AIRE: variants seen among roughly 807,000 people sequenced by gnomAD.
AIRE encodes the protein autoimmune regulator, also known as autoimmune polyendocrinopathy candidiasis ectodermal dystrophy protein.
In AIRE, 52 loss-of-function variants were observed where a neutral mutation model predicts 62.1. The ratio of observed to expected loss-of-function variants is 0.84; its 90% CI spans 0.67 to 1.06. The LOEUF (loss-of-function observed/expected upper bound fraction) is 1.06, where lower values mean the gene tolerates loss of function less well. Among genes scored for constraint, AIRE ranks in the 50% least tolerant of loss-of-function variants. AIRE has a pLI of 0.00. For synonymous variants in AIRE, 342 were observed against 321.6 expected, an observed-to-expected ratio of 1.06 and a Z score of -0.68; for missense variants, 774 against 755.8, an observed-to-expected ratio of 1.02 and a Z score of -0.28.
At chr21:44,290,141 T>C in intron 7 of AIRE, 73 bp downstream of exon 7, 2 of 1,552,796 alleles carry the variant, frequency 1.3e-6, no homozygotes, top group South Asian at 1.2e-5. Context: ...TGCCTCTGCC[T>C]TTACCTGGGC....
At chr21:44,296,539 C>A in intron 13 of AIRE, 94 bp downstream of exon 13, 2 of 1,209,688 alleles carry the variant, frequency 1.7e-6, no homozygotes, top group Non-Finnish European at 2.4e-6. Context: ...GGACTGCCGG[C>A]CCCCACTGCT....
In AIRE at chr21:44,293,861, G is replaced by A. The variant is rs143059175; in HGVS notation, c.1351G>A (p.Ala451Thr). ...CGTGCTGCGGTGTACTCACTGCGCC[G>A]CTGCCTTCCACTGGCGCTGCCACTT... ...TDVLRCTHCA[A>T]AFHWRCHFPA... The change falls in exon 11 of 14, where the codon GCT (alanine) becomes ACT (threonine). Residue 451 changes from alanine to threonine, a missense_variant. Around this residue, in one of 3 missense-constraint regions of AIRE, gnomAD observed 354 missense variants for 296.1 expected, o/e 1.20. Coordinates refer to ENST00000291582, the MANE Select transcript of AIRE (RefSeq NM_000383.4). The A allele has an allele frequency of 2.7e-5, 43 of 1,596,602 alleles. No homozygotes were observed. Among genetic ancestry groups the A allele is most frequent in the South Asian group, 2.2e-4 (20 of 91,024 alleles).
intron 11 of AIRE, 60 bp from the exon 12 acceptor site, chr21:44,294,341 C>A: frequency 1.2e-5 from 11 of 894,686 alleles, no homozygotes; most frequent in African/African-American, 1.7e-5. Flanking sequence ...ACACCCCATA[C>A]CCCGGAGGTG....
At chr21:44,290,342 C>A (rs540660094) in intron 7 of AIRE, 2 of 985,460 alleles carry the variant, frequency 2.0e-6, no homozygotes, top group Non-Finnish European at 2.4e-6. Context: ...CAGCTGGGCC[C>A]GTGGGTGGGC....
At chr21:44,295,023 C>T (rs1287723307) in intron 12 of AIRE, among the ~76,000 whole-genome samples, 1 of 152,222 alleles carries the variant, frequency 6.6e-6, no homozygotes, top group East Asian at 1.9e-4. Context: ...GCGGAGACCC[C>T]TGACTGCTGG....
Position 44,292,393 on chromosome 21 carries a change from G to A in AIRE, c.1087G>A (p.Glu363Lys). 1 of 1,552,780 alleles carries A rather than the reference G, an allele frequency of 6.4e-7. No homozygotes were observed. The highest frequency in any genetic ancestry group is 8.7e-7 in the Non-Finnish European group (1 of 1,148,180). ...EEPRPQEPPVETPLPPGLRSA... is the reference protein window; with the variant it reads ...EEPRPQEPPVKTPLPPGLRSA... ...GCCCCGGCCCCAGGAGCCACCCGTG[G>A]AGACCCCGGTATGGCCACGCCCCCT... The change falls in exon 9 of 14, where the codon GAG becomes AAG. Residue 363 changes from glutamate to lysine, a missense_variant. By Grantham distance (56) the Glu-to-Lys change is moderately conservative (BLOSUM62 1). This residue lies in a region of AIRE where 354 missense variants were observed against 296.1 expected (regional missense o/e 1.20). Coordinates refer to ENST00000291582, the MANE Select transcript of AIRE (RefSeq NM_000383.4).
Position 44,287,412 on chromosome 21 carries a change from A to C in AIRE, c.464-105A>C, listed in dbSNP as rs112759342. 14 of 816,076 alleles carry C rather than the reference A, an allele frequency of 1.7e-5. No homozygotes were observed. The highest frequency in any genetic ancestry group is 2.4e-5 in the Non-Finnish European group (12 of 489,854). The allele number at this position is 816,076 out of a possible 1,614,324, so 50.6% of individuals were successfully genotyped here. On this transcript the variant is annotated intron_variant, in intron 3 of 13. Coordinates refer to ENST00000291582, the MANE Select transcript of AIRE (RefSeq NM_000383.4). This position sits in a 1 kb window ranked among gnomAD's most constrained non-coding sequence, Gnocchi z 4.3. ...CCAGAGCCCGGCAAAGGGACTACCC[A>C]GCACTGGACCGCCCCCTCCACGCCC...
chr21:44,290,862 G>C (rs776581217), intron 7 of AIRE: 2 of 1,600,964 alleles, frequency 1.2e-6, no homozygotes, highest in Non-Finnish European at 8.5e-7. Flanking sequence ...GCAAGAAACC[G>C]GGTTTTCTTC....
chr21:44,289,558 TCCA>T, intron 5 of AIRE, 96 bp from the exon 6 acceptor site: 1 of 1,529,234 alleles, frequency 6.5e-7, no homozygotes, highest in African/African-American at 1.4e-5. Flanking sequence ...CTGTGGGAAC[TCCA>T]CCTGTCTCTG....
At chr21:44,293,646 T>A (rs936036732) in intron 10 of AIRE, 143 bp from the exon 11 acceptor site, 3 of 1,367,792 alleles carry the variant, frequency 2.2e-6, no homozygotes, top group African/African-American at 1.4e-5. Context: ...GCAGCCTGCG[T>A]GGCACCGTGA....
In AIRE at chr21:44,285,973, G is replaced by C; in HGVS notation, c.-34G>C. On this transcript the variant is annotated 5_prime_UTR_variant, in exon 1 of 14. Coordinates refer to ENST00000291582, the MANE Select transcript of AIRE (RefSeq NM_000383.4). ...CTGCCAGTGTCCCGGGACCCACCGC[G>C]TCCGCCCCAGCCCCGGGTCCCCGCG... 6.6e-7 allele frequency: 1 copy of C among 1,519,928 alleles called. No homozygotes were observed. Among genetic ancestry groups the C allele is most frequent in the Non-Finnish European group, 8.8e-7 (1 of 1,138,810 alleles). 94.2% of individuals were successfully genotyped at this position (1,519,928 alleles called of 1,614,324 possible). A position where few individuals can be genotyped will look rare whatever the true frequency, so the allele number is the denominator to read the frequency against.
chr21:44,287,217 C>A lies in AIRE; in HGVS notation c.463+84C>A. 6.5e-7 allele frequency: 1 copy of A among 1,532,722 alleles called. No homozygotes were observed. The allele number at this position is 1,532,722 out of a possible 1,614,324, so 94.9% of individuals were successfully genotyped here. Reference sequence around the variant, plus strand: ...AGCCCACGCCCCCTCCCCACCCGGGCTCCCACCCACTGGGTGTGGGGCCAG... The same window carrying A: ...AGCCCACGCCCCCTCCCCACCCGGGATCCCACCCACTGGGTGTGGGGCCAG... On this transcript the variant is annotated intron_variant, in intron 3 of 13. Transcript: ENST00000291582. The surrounding 1 kb of genome is among the most constrained non-coding windows in gnomAD (Gnocchi z 4.3).
Position 44,295,245 on chromosome 21 carries a change from G to A in AIRE, c.1503+742G>A, listed in dbSNP as rs561152124. On this transcript the variant is annotated intron_variant, in intron 12 of 13. Coordinates refer to ENST00000291582, the MANE Select transcript of AIRE (RefSeq NM_000383.4). The stretch of plus-strand genomic sequence containing the variant: ...TCTTTCCCAGCTGTGCCTCCGCCCC[G>A]TATACACCGTGTGGGTGACAGGCCA... Among the ~76,000 whole-genome samples the A allele has an allele frequency of 1.4e-4, 21 of 152,298 alleles. No individual in the cohort carries two copies. In the East Asian group the frequency reaches 3.1e-3, roughly 22 times the overall value.
rs2146383558 is a variant in AIRE at position 44,293,127 on chromosome 21, C to T, written c.1230C>T (p.Asp410=). 6.3e-7 allele frequency: 1 copy of T among 1,593,700 alleles called. No homozygotes were observed. Among genetic ancestry groups the T allele is most frequent in the Non-Finnish European group, 8.5e-7 (1 of 1,170,782 alleles). ...CTGCAGCCCCGCTGCCAGGGCTGGA[C>T]TCCTCGGCCCTGCACCCCCTACTGT... is the stretch of plus-strand genomic sequence containing the variant. ...PPSAAPLPGL[D]SSALHPLLCV... Residue 410 remains aspartate (D), a synonymous_variant, in exon 10 of 14, where the codon GAC becomes GAT. Coordinates refer to ENST00000291582, the MANE Select transcript of AIRE (RefSeq NM_000383.4).
rs1273144508 is a variant in AIRE, at chr21:44,286,548, C to T, written c.133-9C>T. On this transcript the variant is annotated splice_polypyrimidine_tract_variant and intron_variant, in intron 1 of 13. Coordinates refer to ENST00000291582, the MANE Select transcript of AIRE (RefSeq NM_000383.4). This position sits in a 1 kb window ranked among gnomAD's most constrained non-coding sequence, Gnocchi z 6.0. The stretch of plus-strand genomic sequence containing the variant: ...CCATGGCAGGGACCCTCATGCCACC[C>T]CACTGCAGGAGACGCTTCATCTGAA... The T allele has an allele frequency of 6.2e-7, 1 of 1,605,590 alleles. No homozygotes were observed. The highest frequency in any genetic ancestry group is 8.5e-7 in the Non-Finnish European group (1 of 1,174,592).
chr21:44,296,530 G>A, intron 13 of AIRE, 85 bp downstream of exon 13: 1 of 1,306,048 alleles, frequency 7.7e-7, no homozygotes. Context: ...TCTGGGGGAG[G>A]ACTGCCGGCC....
rs1361497606 is a variant in AIRE, at chr21:44,292,415, C to T, written c.1095+14C>T. Reference sequence around the variant, plus strand: ...GTGGAGACCCCGGTATGGCCACGCCCCCTCCTAGCCGGGCCACCCCTCCTG... The same window carrying T: ...GTGGAGACCCCGGTATGGCCACGCCTCCTCCTAGCCGGGCCACCCCTCCTG... On this transcript the variant is annotated intron_variant, in intron 9 of 13. Transcript: ENST00000291582. 5 of 1,535,200 alleles carry T rather than the reference C, an allele frequency of 3.3e-6. No homozygotes were observed. The highest frequency in any genetic ancestry group is 3.5e-6 in the Non-Finnish European group (4 of 1,134,846).
intron 7 of AIRE, chr21:44,290,451 T>G: frequency 1.0e-6 from 1 of 984,734 alleles, no homozygotes; most frequent in Middle Eastern, 5.2e-4. Flanking sequence ...AGAAGCAGTG[T>G]GGGGGGTGCC....
intron 8 of AIRE, among the ~76,000 whole-genome samples, 194 bp from the exon 9 acceptor site, chr21:44,292,108 G>A (rs894608733): frequency 2.6e-5 from 4 of 152,198 alleles, no homozygotes; most frequent in Non-Finnish European, 5.9e-5. Flanking sequence ...ACGCTGGCCA[G>A]GGCCACCCCA....
Sources: gnomAD v4.1 joint callset for allele counts (sites outside exome capture counted in the v4.1 genomes callset) on GRCh38, gnomAD v4.1.1 for gene constraint, gnomAD v4.1.1 regional missense constraint, Gnocchi (gnomAD v3.1) non-coding constraint, MANE v1.5 for transcripts, NCBI Gene and HGNC (gene_info 2026-07-23, HGNC 2026-07-21) for gene names.